KASH5: variants seen among roughly 807,000 people sequenced by gnomAD.
KASH5 encodes KASH domain containing 5.
KASH5 carries 72 observed loss-of-function variants against 84.2 expected under a neutral mutation model. The observed-to-expected ratio is 0.85, with a 90% CI of 0.71 to 1.04. KASH5 has a LOEUF of 1.04. Ranked by LOEUF, KASH5 falls within the 50% of genes least tolerant of loss-of-function variation. KASH5 has a pLI of 0.00. For missense variants in KASH5, 650 were observed against 701.0 expected, an observed-to-expected ratio of 0.93 and a Z score of 0.82; for synonymous variants, 260 against 279.1, an observed-to-expected ratio of 0.93 and a Z score of 0.68.
rs544728641 is a variant in KASH5, at chr19:49,412,653, C to T, written c.1270-315C>T. Among the ~76,000 whole-genome samples, 4 of 152,226 alleles carry T rather than the reference C, an allele frequency of 2.6e-5. No individual in the cohort carries two copies. Among genetic ancestry groups the T allele is most frequent in the South Asian group, 2.1e-4 (1 of 4,816 alleles). ...CTCCTCTGGGACCCAGATAAGTGTA[C>T]GAGATCTGTGGAACATCCAGGAAGT... On this transcript the variant is annotated intron_variant, in intron 15 of 19. Coordinates refer to ENST00000447857, the MANE Select transcript of KASH5 (RefSeq NM_144688.5). This position sits in a 1 kb window ranked among gnomAD's most constrained non-coding sequence, Gnocchi z 4.6.
intron 1 of KASH5, 72 bp from the exon 2 acceptor site, chr19:49,390,717 A>G: frequency 1.5e-6 from 1 of 657,578 alleles, no homozygotes; most frequent in Non-Finnish European, 2.4e-6. Flanking sequence ...GTCCTGGGGC[A>G]CAGGTGGGGC....
intron 9 of KASH5, among the ~76,000 whole-genome samples, chr19:49,405,656 C>T (rs1318378141): frequency 6.6e-6 from 1 of 151,782 alleles, no homozygotes; most frequent in African/African-American, 2.4e-5. Context: ...AAGTAATCTA[C>T]TTAAAACATC....
intron 2 of KASH5, 36 bp downstream of exon 2, chr19:49,390,962 T>G (rs1600889179): frequency 6.3e-7 from 1 of 1,599,266 alleles, no homozygotes; most frequent in Non-Finnish European, 8.5e-7. Flanking sequence ...CCGGGGAGGG[T>G]GAGGAGGGAG....
At chr19:49,407,520 C>T in intron 11 of KASH5, 92 bp from the exon 12 acceptor site, 1 of 1,374,684 alleles carries the variant, frequency 7.3e-7, no homozygotes, top group Non-Finnish European at 1.0e-6. Context: ...CTCACCCTGT[C>T]CCTTAACCCC....
rs139882972 is a variant in KASH5 at position 49,417,408 on chromosome 19, CCTGCTGCTG to C, written c.1599_1607del (p.Leu534_Leu536del). 6.4e-6 allele frequency: 10 copies of C among 1,553,750 alleles called. No homozygotes were observed. The East Asian group carries it at 1.9e-4, about 30-fold the overall frequency. On this transcript the variant is annotated inframe_deletion, in exon 20 of 20. Transcript: ENST00000447857. This position sits in a 1 kb window ranked among gnomAD's most constrained non-coding sequence, Gnocchi z 5.2. The stretch of plus-strand genomic sequence containing the variant: ...CACTGATCCCAGCTCCTGTCCTGGG[CCTGCTGCTG>C]CTGCTGCTGCTCTCTGTCCTGCTGC...
intron 13 of KASH5, 37 bp from the exon 14 acceptor site, chr19:49,409,159 C>T: frequency 6.2e-7 from 1 of 1,605,852 alleles, no homozygotes; most frequent in Middle Eastern, 1.7e-4. Context: ...CCACCAGGCA[C>T]AGAGGCCATC....
rs745341143 is a variant in KASH5, at chr19:49,416,582, G to A, written c.1375-433G>A. Among the ~76,000 whole-genome samples, 1 of 152,204 alleles carries A rather than the reference G, an allele frequency of 6.6e-6. No homozygotes were observed. ...TTCATGAGGCCCAGCACAGGGGTGGGCACCTGTAGAAGATGTGGTCTCTGC... is the reference window on the plus strand; with the variant it reads ...TTCATGAGGCCCAGCACAGGGGTGGACACCTGTAGAAGATGTGGTCTCTGC... On this transcript the variant is annotated intron_variant, in intron 17 of 19. Transcript: ENST00000447857. The surrounding 1 kb of genome is among the most constrained non-coding windows in gnomAD (Gnocchi z 5.4).
In KASH5 at chr19:49,401,606, G is replaced by A. The variant is rs73931777; in HGVS notation, c.798+2099G>A. Among the ~76,000 whole-genome samples, 1,294 of 152,282 alleles carry A rather than the reference G, an allele frequency of 8.5e-3. 12 individuals carry two copies. The highest frequency in any genetic ancestry group is 0.029 in the African/African-American group (1,225 of 41,550). ...ATCACAAGACTTCCAGGGCTCTGCG[G>A]TTCTCCATCCATACCCTCCACCCCT... is the stretch of plus-strand genomic sequence containing the variant. On this transcript the variant is annotated intron_variant, in intron 9 of 19. Coordinates refer to ENST00000447857, the MANE Select transcript of KASH5 (RefSeq NM_144688.5).
In KASH5 at chr19:49,395,647, C is replaced by A; in HGVS notation, c.336-122C>A. On this transcript the variant is annotated intron_variant, in intron 4 of 19. Coordinates refer to ENST00000447857, the MANE Select transcript of KASH5 (RefSeq NM_144688.5). This position sits in a 1 kb window ranked among gnomAD's most constrained non-coding sequence, Gnocchi z 4.4. ...TTGCCATCTGGCCTCACCCTCCTAC[C>A]CTGTGGTGCCAGCTCTCACCTGACC... The A allele has an allele frequency of 1.0e-6, 1 of 959,964 alleles. No individual in the cohort carries two copies. Among genetic ancestry groups the A allele is most frequent in the Non-Finnish European group, 1.6e-6 (1 of 628,246 alleles). 59.5% of individuals were successfully genotyped at this position (959,964 alleles called of 1,614,324 possible). A position where few individuals can be genotyped will look rare whatever the true frequency, so the allele number is the denominator to read the frequency against.
intron 7 of KASH5, among the ~76,000 whole-genome samples, chr19:49,398,674 T>C (rs758217140): frequency 3.1e-4 from 40 of 131,046 alleles, no homozygotes; most frequent in Non-Finnish European, 5.5e-4. Flanking sequence ...CAGCCTAGAT[T>C]TCTCTCTTTA....
chr19:49,390,775 GCT>G lies in KASH5; in HGVS notation c.-95-13_-95-12del, dbSNP rs1600888307. 9.0e-7 allele frequency: 1 copy of G among 1,110,020 alleles called. No homozygotes were observed. The highest frequency in any genetic ancestry group is 1.2e-6 in the Non-Finnish European group (1 of 805,784). 68.8% of individuals were successfully genotyped at this position (1,110,020 alleles called of 1,614,324 possible). Reference sequence around the variant, plus strand: ...GGCTGCTCTGAGGACACCATTTCCTGCTTCTCCTTCCAGGAGTGCTCGGGCCA... The same window carrying G: ...GGCTGCTCTGAGGACACCATTTCCTGTCTCCTTCCAGGAGTGCTCGGGCCA... On this transcript the variant is annotated splice_polypyrimidine_tract_variant and intron_variant, in intron 1 of 19. Transcript: ENST00000447857.
Position 49,395,599 on chromosome 19 carries a change from C to T in KASH5, c.336-170C>T. ...CCAAACCCACTCCTTGCCCCTCCTG[C>T]TTTTCCATCTGGCCACGGGCACTTG... On this transcript the variant is annotated intron_variant, in intron 4 of 19. Transcript: ENST00000447857. The surrounding 1 kb of genome is among the most constrained non-coding windows in gnomAD (Gnocchi z 4.4). 1 of 687,692 alleles carries T rather than the reference C, an allele frequency of 1.5e-6. No homozygotes were observed. The highest frequency in any genetic ancestry group is 1.8e-5 in the South Asian group (1 of 55,500). The allele number at this position is 687,692 out of a possible 1,614,324, so 42.6% of individuals were successfully genotyped here.
chr19:49,398,199 A>C, intron 7 of KASH5, 56 bp downstream of exon 7: 1 of 1,468,570 alleles, frequency 6.8e-7, no homozygotes, highest in Non-Finnish European at 9.1e-7. Context: ...TCCTCCCTGC[A>C]GCAGCCGGCC....
intron 9 of KASH5, among the ~76,000 whole-genome samples, chr19:49,403,699 C>G (rs897363192): frequency 6.6e-6 from 1 of 152,126 alleles, no homozygotes; most frequent in African/African-American, 2.4e-5. Context: ...GTAGATCCCT[C>G]GACAAAAGCA....
In KASH5 at chr19:49,388,875, A is replaced by G. The variant is rs533473637; in HGVS notation, c.-96+548A>G. Among the ~76,000 whole-genome samples, 4 of 152,104 alleles carry G rather than the reference A, an allele frequency of 2.6e-5. No individual in the cohort carries two copies. In the South Asian group the frequency reaches 8.3e-4, roughly 32 times the overall value. ...TTACTCTCCCCAGATCAGCAGAGCC[A>G]CCTAGACTCGTGTCAGAGATCCCCA... On this transcript the variant is annotated intron_variant, in intron 1 of 19. Coordinates refer to ENST00000447857, the MANE Select transcript of KASH5 (RefSeq NM_144688.5).
Position 49,417,565 on chromosome 19 carries a change from C to T in KASH5, c.*55C>T. Reference sequence around the variant, plus strand: ...CTAGCTCAATAAATCCCCTGGCCCTCTCTCCACTGGGATCCCCATTGTTAG... The same window carrying T: ...CTAGCTCAATAAATCCCCTGGCCCTTTCTCCACTGGGATCCCCATTGTTAG... On this transcript the variant is annotated 3_prime_UTR_variant, in exon 20 of 20. Transcript: ENST00000447857. The surrounding 1 kb of genome is among the most constrained non-coding windows in gnomAD (Gnocchi z 5.2). 3 of 1,465,708 alleles carry T rather than the reference C, an allele frequency of 2.0e-6. No individual in the cohort carries two copies. The highest frequency in any genetic ancestry group is 2.7e-6 in the Non-Finnish European group (3 of 1,103,262). The allele number at this position is 1,465,708 out of a possible 1,614,324, so 90.8% of individuals were successfully genotyped here.
At position 49,417,342 on chromosome 19, in the gene KASH5, C is replaced by T. The variant is rs1974942934; in HGVS notation, c.1548-27C>T. Reference sequence around the variant, plus strand: ...GAGCAGGGGCTGCCCAGACCCTGCCCTAAATGCTCTCCCACCTCCCCACCA... The same window carrying T: ...GAGCAGGGGCTGCCCAGACCCTGCCTTAAATGCTCTCCCACCTCCCCACCA... On this transcript the variant is annotated intron_variant, in intron 19 of 19. Transcript: ENST00000447857. This position sits in a 1 kb window ranked among gnomAD's most constrained non-coding sequence, Gnocchi z 5.2. 1.9e-6 allele frequency: 3 copies of T among 1,556,924 alleles called. No individual in the cohort carries two copies. Among genetic ancestry groups the T allele is most frequent in the African/African-American group, 2.7e-5 (2 of 73,466 alleles).
chr19:49,397,561 A>G, intron 5 of KASH5, 90 bp from the exon 6 acceptor site: 5 of 1,117,438 alleles, frequency 4.5e-6, no homozygotes, highest in South Asian at 1.3e-5. Flanking sequence ...GTGAGGGTGG[A>G]GGCAGATGGA....
intron 10 of KASH5, 38 bp downstream of exon 10, chr19:49,407,001 C>T (rs1028643506): frequency 6.5e-7 from 1 of 1,544,080 alleles, no homozygotes. Flanking sequence ...CTTTCCACCA[C>T]CCCGGGGCCA....
Sources: allele counts gnomAD v4.1 joint callset (sites outside exome capture counted in the v4.1 genomes callset), GRCh38; gene constraint gnomAD v4.1.1; non-coding constraint Gnocchi (gnomAD v3.1); transcripts MANE v1.5; gene names NCBI Gene and HGNC (gene_info 2026-07-23, HGNC 2026-07-21).